Variants in RGS7 observed in about 807,000 individuals in gnomAD.
RGS7 encodes regulator of G protein signaling 7, also known as regulator of G-protein signaling 7.
In RGS7, 27 loss-of-function variants were observed where a neutral mutation model predicts 81.1. The ratio of observed to expected loss-of-function variants is 0.33; its 90% CI spans 0.25 to 0.46. The LOEUF is 0.46. RGS7 is among the 20% of genes least tolerant of loss of function. The pLI, the probability that RGS7 is intolerant of heterozygous loss-of-function variation, is 1.00. For missense variants in RGS7, 396 were observed against 607.4 expected, an observed-to-expected ratio of 0.65 and a Z score of 3.66; for synonymous variants, 208 against 207.7, an observed-to-expected ratio of 1.00 and a Z score of -0.01.
chr1:241,294,845 C>G (rs1573544415), intron 2 of RGS7, among the ~76,000 whole-genome samples: 1 of 151,218 alleles, frequency 6.6e-6, no homozygotes, highest in South Asian at 2.1e-4. Context: ...ACCATAAAGT[C>G]CAGGTGTGTA....
At chr1:241,068,465 AC>A (rs1361767940) in intron 3 of RGS7, among the ~76,000 whole-genome samples, 1 of 151,564 alleles carries the variant, frequency 6.6e-6, no homozygotes, top group Non-Finnish European at 1.5e-5. Flanking sequence ...GTAATACATT[AC>A]CTATATTCAC....
intron 15 of RGS7, among the ~76,000 whole-genome samples, chr1:240,803,675 A>G (rs2103061070): frequency 6.6e-6 from 1 of 152,076 alleles, no homozygotes; most frequent in South Asian, 2.1e-4. Context: ...GTCAAAAAAA[A>G]AAAAGGAAAA....
intron 3 of RGS7, among the ~76,000 whole-genome samples, chr1:241,093,262 C>A (rs1439452712): frequency 6.6e-6 from 1 of 151,994 alleles, no homozygotes; most frequent in Non-Finnish European, 1.5e-5. Flanking sequence ...ACAGACAATT[C>A]AAGTTCTTTG....
At chr1:241,058,730 G>A (rs2061598641) in intron 3 of RGS7, among the ~76,000 whole-genome samples, 1 of 152,196 alleles carries the variant, frequency 6.6e-6, no homozygotes, top group Non-Finnish European at 1.5e-5. Flanking sequence ...TTAGCTCCAG[G>A]CCTTGCATGC....
intron 3 of RGS7, among the ~76,000 whole-genome samples, chr1:241,040,455 T>A (rs761286779): frequency 1.3e-5 from 2 of 151,960 alleles, no homozygotes; most frequent in African/African-American, 4.8e-5. Context: ...TGAGAATATA[T>A]GTAGACTCAC....
intron 2 of RGS7, among the ~76,000 whole-genome samples, chr1:241,225,218 A>T (rs1248869622): frequency 1.3e-5 from 2 of 152,106 alleles, no homozygotes; most frequent in Non-Finnish European, 2.9e-5. Context: ...TGTACACATT[A>T]TTTCACTCCC....
intron 9 of RGS7, among the ~76,000 whole-genome samples, chr1:240,861,611 G>A (rs891220223): frequency 4.6e-5 from 7 of 152,128 alleles, no homozygotes; most frequent in Non-Finnish European, 1.0e-4. Context: ...TAGTCATACA[G>A]AACCCAATGT....
chr1:241,000,454 T>C, intron 3 of RGS7, among the ~76,000 whole-genome samples: 1 of 152,192 alleles, frequency 6.6e-6, no homozygotes, highest in East Asian at 1.9e-4. Flanking sequence ...TTAATAGGTA[T>C]AAAACTCAAA....
At chr1:240,808,122 C>G (rs1265513780) in intron 14 of RGS7, among the ~76,000 whole-genome samples, 1 of 151,636 alleles carries the variant, frequency 6.6e-6, no homozygotes, top group East Asian at 1.9e-4. Flanking sequence ...CAAGTTCATG[C>G]CAGCACACTC....
chr1:241,354,044 CAG>C (rs2083410983), intron 2 of RGS7, among the ~76,000 whole-genome samples: 1 of 152,068 alleles, frequency 6.6e-6, no homozygotes, highest in South Asian at 2.1e-4. Context: ...TAAAGGGAAA[CAG>C]AGAGGGAATA....
chr1:241,294,560 G>A (rs2079282002), intron 2 of RGS7, among the ~76,000 whole-genome samples: 1 of 152,162 alleles, frequency 6.6e-6, no homozygotes, highest in Admixed American at 6.5e-5. Flanking sequence ...TAAGTGCAGG[G>A]TTTATAAAGT....
rs577128272 is a variant in RGS7, at chr1:241,110,900, G to A, written c.79-12138C>T. Among the ~76,000 whole-genome samples the A allele has an allele frequency of 5.9e-5, 9 of 152,054 alleles. No individual in the cohort carries two copies. In the South Asian group the frequency reaches 1.9e-3, roughly 32 times the overall value. On this transcript the variant is annotated intron_variant, in intron 2 of 18. Coordinates refer to ENST00000440928, the MANE Select transcript of RGS7 (RefSeq NM_001364886.1). The stretch of plus-strand genomic sequence containing the variant: ...GGGTTTCACCATGTTATCCAGGCTG[G>A]TCTCAAATTCCTGACCTCAAGTGAT...
At chr1:240,932,705 T>A (rs1675705220) in intron 5 of RGS7, among the ~76,000 whole-genome samples, 1 of 150,770 alleles carries the variant, frequency 6.6e-6, no homozygotes, top group African/African-American at 2.4e-5. Context: ...AGACGGGGTT[T>A]CACCGTGTTA....
At chr1:240,998,829 G>A (rs922958082) in intron 3 of RGS7, 12 of 586,968 alleles carry the variant, frequency 2.0e-5, no homozygotes, top group African/African-American at 1.3e-4. Context: ...GCTGCCGGAC[G>A]CGGATGGACC....
rs184468192 is a variant in RGS7 at position 240,927,926 on chromosome 1, A to G, written c.385+2791T>C. On this transcript the variant is annotated intron_variant, in intron 6 of 18. Coordinates refer to ENST00000440928, the MANE Select transcript of RGS7 (RefSeq NM_001364886.1). ...GTGGATGGTAACATGTGTGGGAACA[A>G]GAGTGATTCCATCTTGGATGCTAAT... Among the ~76,000 whole-genome samples, 590 of 152,328 alleles carry G rather than the reference A, an allele frequency of 3.9e-3. 1 individual carries two copies. The highest frequency in any genetic ancestry group is 6.5e-3 in the Non-Finnish European group (445 of 68,016).
chr1:240,789,383 GGATAACA>G (rs1219646751), intron 18 of RGS7, among the ~76,000 whole-genome samples: 1 of 152,178 alleles, frequency 6.6e-6, no homozygotes, highest in African/African-American at 2.4e-5. Flanking sequence ...GAAAAGAACA[GGATAACA>G]GCAATGTTCA....
chr1:241,216,698 G>A (rs2074579145), intron 2 of RGS7, among the ~76,000 whole-genome samples: 2 of 152,164 alleles, frequency 1.3e-5, no homozygotes, highest in African/African-American at 4.8e-5. Flanking sequence ...TTAGGAATGA[G>A]TTTGTGGCCC....
chr1:241,161,633 T>C (rs1415516394), intron 2 of RGS7, among the ~76,000 whole-genome samples: 2 of 150,922 alleles, frequency 1.3e-5, no homozygotes, highest in Non-Finnish European at 2.9e-5. Context: ...TTCTCATTTC[T>C]ATAAGTGCCA....
intron 3 of RGS7, among the ~76,000 whole-genome samples, chr1:241,041,128 GA>G (rs1233328110): frequency 6.6e-6 from 1 of 152,088 alleles, no homozygotes. Flanking sequence ...ATTACCTTTT[GA>G]AAATGAACTG....
Sources: gnomAD v4.1 joint callset for allele counts (sites outside exome capture counted in the v4.1 genomes callset) on GRCh38, gnomAD v4.1.1 for gene constraint, MANE v1.5 for transcripts, NCBI Gene and HGNC (gene_info 2026-07-23, HGNC 2026-07-21) for gene names.